Variants in GOSR1 observed in about 807,000 individuals in gnomAD.
GOSR1 encodes the protein golgi SNAP receptor complex member 1.
A neutral mutation model predicts 35.5 loss-of-function variants in GOSR1; 21 were observed. The ratio of observed to expected loss-of-function variants is 0.59; its 90% CI spans 0.42 to 0.85. The LOEUF is 0.85. Ranked by LOEUF, GOSR1 falls within the 40% of genes least tolerant of loss-of-function variation. The pLI is 0.00. For synonymous variants in GOSR1, 94 were observed against 106.6 expected, an observed-to-expected ratio of 0.88 and a Z score of 0.73; for missense variants, 285 against 309.6, an observed-to-expected ratio of 0.92 and a Z score of 0.60.
intron 6 of GOSR1, among the ~76,000 whole-genome samples, chr17:30,499,563 G>C (rs1393411002): frequency 6.6e-6 from 1 of 152,138 alleles, no homozygotes; most frequent in Non-Finnish European, 1.5e-5. Context: ...GGATGGTCTT[G>C]ATCTCCTGAC....
intron 5 of GOSR1, among the ~76,000 whole-genome samples, chr17:30,491,957 G>A (rs1414523301): frequency 6.6e-6 from 1 of 151,888 alleles, no homozygotes; most frequent in Non-Finnish European, 1.5e-5. Context: ...CTTGGTGGTG[G>A]TTTCTCCTGT....
chr17:30,477,467 G>A lies in GOSR1; in HGVS notation c.31+3G>A. 2 of 1,608,104 alleles carry A rather than the reference G, an allele frequency of 1.2e-6. No homozygotes were observed. The highest frequency in any genetic ancestry group is 1.7e-6 in the Non-Finnish European group (2 of 1,176,592). ...AGGGACCAGCAGTTACTGGGAAGGT[G>A]AGGGCGAGAAGGCCTCCGGGTGCGT... On this transcript the variant is annotated splice_donor_region_variant and intron_variant, in intron 1 of 8. Transcript: ENST00000451249.
intron 6 of GOSR1, among the ~76,000 whole-genome samples, chr17:30,500,444 A>G (rs1967159515): frequency 6.6e-6 from 1 of 152,116 alleles, no homozygotes. Flanking sequence ...TTTTAAACAC[A>G]TGTATATTCC....
chr17:30,480,239 G>A (rs1914246026), intron 1 of GOSR1: 2 of 151,880 alleles, frequency 1.3e-5, no homozygotes, highest in African/African-American at 4.8e-5. Flanking sequence ...GAACCCAGGA[G>A]GTGGAGTATG....
intron 8 of GOSR1, chr17:30,520,329 C>T (rs1367680672): frequency 4.6e-6 from 1 of 219,682 alleles, no homozygotes; most frequent in African/African-American, 2.3e-5. Context: ...GTTAGAACTC[C>T]ACACTATACA....
rs551520576 is a variant in GOSR1, at chr17:30,513,884, G to T, written c.539+2975G>T. On this transcript the variant is annotated intron_variant, in intron 7 of 8. Transcript: ENST00000451249. ...GGAGCACTTGCACCCATGAGGTCAA[G>T]GCTGCCATGATGGTGCTACTGCAGC... 1.3e-3 allele frequency among the ~76,000 whole-genome samples: 192 copies of T among 152,346 alleles called. 1 individual carries two copies. The highest frequency in any genetic ancestry group is 3.8e-3 in the African/African-American group (159 of 41,592).
intron 6 of GOSR1, among the ~76,000 whole-genome samples, chr17:30,497,755 T>C (rs925452028): frequency 1.3e-5 from 2 of 152,168 alleles, no homozygotes; most frequent in African/African-American, 4.8e-5. Flanking sequence ...TGACCCTGAT[T>C]GTCTATTAAA....
intron 6 of GOSR1, among the ~76,000 whole-genome samples, chr17:30,505,647 C>A (rs909983837): frequency 2.0e-5 from 3 of 152,172 alleles, no homozygotes; most frequent in Admixed American, 2.0e-4. Context: ...GATCAGTGAT[C>A]TTTGATGTTA....
At chr17:30,510,637 C>T (rs980671269) in intron 6 of GOSR1, 10 of 268,832 alleles carry the variant, frequency 3.7e-5, no homozygotes, top group Non-Finnish European at 7.3e-6. Flanking sequence ...TAGCTTGAAC[C>T]TAGGAGGCGG....
At chr17:30,520,220 A>T in intron 8 of GOSR1, 199 bp downstream of exon 8, 2 of 453,076 alleles carry the variant, frequency 4.4e-6, no homozygotes, top group South Asian at 5.9e-5. Flanking sequence ...TGCACCTCAG[A>T]AGTTTCTTAC....
chr17:30,515,294 ATTTTTTT>A (rs35911853), intron 7 of GOSR1, among the ~76,000 whole-genome samples: 1 of 139,552 alleles, frequency 7.2e-6, no homozygotes, highest in African/African-American at 2.7e-5. Context: ...TGCCCAGCTA[ATTTTTTT>A]TTTTTTTTTT....
intron 7 of GOSR1, among the ~76,000 whole-genome samples, chr17:30,517,372 CTT>C (rs921410787): frequency 6.6e-6 from 1 of 152,146 alleles, no homozygotes; most frequent in African/African-American, 2.4e-5. Flanking sequence ...TGATATACAA[CTT>C]TTTCACTGTC....
At chr17:30,521,615 G>T (rs1189017801) in intron 8 of GOSR1, among the ~76,000 whole-genome samples, 1 of 151,892 alleles carries the variant, frequency 6.6e-6, no homozygotes, top group Non-Finnish European at 1.5e-5. Flanking sequence ...AAAAAAAATG[G>T]GTGTGGGTCA....
At chr17:30,495,401 C>G (rs1966958311) in intron 6 of GOSR1, 1 of 455,512 alleles carries the variant, frequency 2.2e-6, no homozygotes, top group African/African-American at 2.0e-5. Flanking sequence ...TCTGTATTTA[C>G]CTTAATGAAG....
At chr17:30,522,169 C>A in intron 8 of GOSR1, 85 bp from the exon 9 acceptor site, 2 of 1,072,526 alleles carry the variant, frequency 1.9e-6, no homozygotes, top group Admixed American at 2.2e-5. Flanking sequence ...TTTCTAGACA[C>A]CACTGATCTC....
At chr17:30,505,485 T>C (rs1049376205) in intron 6 of GOSR1, among the ~76,000 whole-genome samples, 14 of 152,236 alleles carry the variant, frequency 9.2e-5, no homozygotes, top group African/African-American at 3.1e-4. Flanking sequence ...TTACAGATAC[T>C]ATTTTTTACA....
chr17:30,490,674 A>G (rs879607153), intron 5 of GOSR1, among the ~76,000 whole-genome samples: 3 of 152,168 alleles, frequency 2.0e-5, no homozygotes, highest in South Asian at 2.1e-4. Context: ...GTTACATATT[A>G]CAAACAGTAA....
chr17:30,509,000 G>A (rs1270142911), intron 6 of GOSR1, among the ~76,000 whole-genome samples: 2 of 151,574 alleles, frequency 1.3e-5, no homozygotes, highest in Non-Finnish European at 2.9e-5. Flanking sequence ...TTCCTGAGAC[G>A]GAGTCTAGCT....
At chr17:30,522,215 G>C (rs781164092) in intron 8 of GOSR1, 39 bp from the exon 9 acceptor site, 3 of 1,553,694 alleles carry the variant, frequency 1.9e-6, no homozygotes, top group Non-Finnish European at 2.6e-6. Context: ...CGCCAGAGAG[G>C]CTTCTTCCAA....
Sources: allele counts gnomAD v4.1 joint callset (sites outside exome capture counted in the v4.1 genomes callset), GRCh38; gene constraint gnomAD v4.1.1; transcripts MANE v1.5; gene names NCBI Gene and HGNC (gene_info 2026-07-23, HGNC 2026-07-21).